The following ZEB1 variants were observed in gnomAD, a reference collection of about 807,000 sequenced individuals.
ZEB1 encodes zinc finger E-box binding homeobox 1.
ZEB1 carries 21 observed loss-of-function variants against 84.9 expected under a neutral mutation model. The ratio of observed to expected loss-of-function variants is 0.25; its 90% CI spans 0.18 to 0.36. The LOEUF (loss-of-function observed/expected upper bound fraction) is 0.36, where lower values mean the gene tolerates loss of function less well. Ranked by LOEUF, ZEB1 falls within the 10% of genes least tolerant of loss-of-function variation. The probability of loss-of-function intolerance (pLI) is 1.00; values close to 1 mark genes in which losing one functional copy is unlikely to be tolerated. For missense variants in ZEB1, 1,104 were observed against 1,330.2 expected (o/e 0.83, Z 2.65); for synonymous variants, 420 against 471.1 (o/e 0.89, Z 1.41).
intron 1 of ZEB1, among the ~76,000 whole-genome samples, chr10:31,414,371 G>A (rs1591017671): frequency 6.6e-6 from 1 of 152,092 alleles, no homozygotes; most frequent in Non-Finnish European, 1.5e-5. Context: ...TGTATACACT[G>A]GATTACAGTT....
intron 1 of ZEB1, among the ~76,000 whole-genome samples, chr10:31,348,384 C>G (rs569472473): frequency 6.6e-6 from 1 of 151,700 alleles, no homozygotes; most frequent in Non-Finnish European, 1.5e-5. Flanking sequence ...GCCAACATAG[C>G]GAAACCCCAT....
At chr10:31,403,562 T>G (rs1176845621) in intron 1 of ZEB1, among the ~76,000 whole-genome samples, 1 of 152,064 alleles carries the variant, frequency 6.6e-6, no homozygotes. Context: ...TTTAAAGAGA[T>G]GAGACTAGTA....
In ZEB1 at chr10:31,527,962, A is replaced by G. The variant is rs1460827867; in HGVS notation, c.*698A>G. Reference sequence around the variant, plus strand: ...GAAGTTTCTTACTCACGTGGTTTAAAATGGAGTTCAAAAGATTGCCATTGA... The same window carrying G: ...GAAGTTTCTTACTCACGTGGTTTAAGATGGAGTTCAAAAGATTGCCATTGA... On this transcript the variant is annotated 3_prime_UTR_variant, in exon 9 of 9. Coordinates refer to ENST00000424869, the MANE Select transcript of ZEB1 (RefSeq NM_001174096.2). 6.6e-6 allele frequency: 1 copy of G among 152,328 alleles called. No homozygotes were observed. The highest frequency in any genetic ancestry group is 2.4e-5 in the African/African-American group (1 of 41,442). 9.4% of individuals were successfully genotyped at this position (152,328 alleles called of 1,614,324 possible).
At chr10:31,319,419 A>C in intron 1 of ZEB1, 127 bp downstream of exon 1, 1 of 882,632 alleles carries the variant, frequency 1.1e-6, no homozygotes, top group Non-Finnish European at 1.8e-6. Context: ...GTGGAGTGGG[A>C]AAGTAGAAAG....
chr10:31,450,530 C>T (rs1042334851), intron 1 of ZEB1, among the ~76,000 whole-genome samples: 3 of 151,968 alleles, frequency 2.0e-5, no homozygotes, highest in Admixed American at 6.5e-5. Context: ...AATTTTGCTT[C>T]TCCTTTCTAA....
intron 1 of ZEB1, among the ~76,000 whole-genome samples, chr10:31,346,899 T>C (rs2040413857): frequency 6.6e-6 from 1 of 152,180 alleles, no homozygotes. Context: ...AGACAAGATT[T>C]ACAGATTTTT....
chr10:31,327,600 C>T (rs2035843601), intron 1 of ZEB1, among the ~76,000 whole-genome samples: 1 of 152,146 alleles, frequency 6.6e-6, no homozygotes, highest in African/African-American at 2.4e-5. Context: ...TAATAAACAT[C>T]CTCCTACGTG....
chr10:31,460,479 T>C (rs1591518242), intron 1 of ZEB1, among the ~76,000 whole-genome samples: 1 of 152,268 alleles, frequency 6.6e-6, no homozygotes, highest in East Asian at 1.9e-4. Flanking sequence ...GCTATTTTGT[T>C]AGGAAAGATG....
At chr10:31,488,245 A>T (rs1164710934) in intron 2 of ZEB1, among the ~76,000 whole-genome samples, 1 of 151,276 alleles carries the variant, frequency 6.6e-6, no homozygotes, top group African/African-American at 2.4e-5. Flanking sequence ...TTCAATTTAA[A>T]AATATTTACA....
intron 1 of ZEB1, among the ~76,000 whole-genome samples, chr10:31,405,320 A>G (rs1289291347): frequency 6.6e-6 from 1 of 152,196 alleles, no homozygotes; most frequent in Non-Finnish European, 1.5e-5. Context: ...CAAACTTCCA[A>G]TAGACTTTAC....
chr10:31,388,717 A>G (rs1421608465), intron 1 of ZEB1, among the ~76,000 whole-genome samples: 2 of 152,104 alleles, frequency 1.3e-5, no homozygotes, highest in East Asian at 1.9e-4. Flanking sequence ...GATAATCTAT[A>G]TATACGTACA....
upstream of ZEB1, chr10:31,319,180 AG>A: frequency 1.4e-6 from 1 of 701,906 alleles, no homozygotes; most frequent in Non-Finnish European, 1.9e-6. Flanking sequence ...GTGGGGGGGA[AG>A]GGGGAGGGAG....
chr10:31,352,192 A>C (rs571306524), intron 1 of ZEB1, among the ~76,000 whole-genome samples: 2 of 152,256 alleles, frequency 1.3e-5, no homozygotes, highest in African/African-American at 4.8e-5. Context: ...TGTTTCACTC[A>C]GTATTAAATT....
intron 2 of ZEB1, among the ~76,000 whole-genome samples, chr10:31,472,248 C>T (rs534165154): frequency 6.6e-6 from 1 of 152,116 alleles, no homozygotes; most frequent in African/African-American, 2.4e-5. Context: ...ACAAAAAACC[C>T]TTCAAAAAAT....
intron 2 of ZEB1, among the ~76,000 whole-genome samples, chr10:31,477,440 A>T (rs908859543): frequency 1.3e-5 from 2 of 152,062 alleles, no homozygotes; most frequent in African/African-American, 4.8e-5. Flanking sequence ...ACAATGCCCA[A>T]AGGAATCTGC....
chr10:31,401,174 G>T (rs76079520), intron 1 of ZEB1, among the ~76,000 whole-genome samples: 1 of 152,144 alleles, frequency 6.6e-6, no homozygotes, highest in Non-Finnish European at 1.5e-5. Context: ...GGCTTATGAG[G>T]AAAATGGGGT....
chr10:31,432,848 AAG>A (rs1165315462), intron 1 of ZEB1, among the ~76,000 whole-genome samples: 4 of 152,222 alleles, frequency 2.6e-5, no homozygotes, highest in African/African-American at 7.2e-5. Flanking sequence ...ATTTTTAAAA[AAG>A]AGTGGCATTG....
At chr10:31,446,538 T>A (rs2059803358) in intron 1 of ZEB1, among the ~76,000 whole-genome samples, 1 of 150,798 alleles carries the variant, frequency 6.6e-6, no homozygotes, top group Admixed American at 6.6e-5. Context: ...CTGCTTTCTC[T>A]TGTGGGCATT....
At chr10:31,440,508 G>C (rs1182228432) in intron 1 of ZEB1, among the ~76,000 whole-genome samples, 1 of 152,130 alleles carries the variant, frequency 6.6e-6, no homozygotes, top group Non-Finnish European at 1.5e-5. Flanking sequence ...AGACAGGGGT[G>C]CCCTTTCTCA....
Sources: allele counts gnomAD v4.1 joint callset (sites outside exome capture counted in the v4.1 genomes callset), GRCh38; gene constraint gnomAD v4.1.1; transcripts MANE v1.5; gene names NCBI Gene and HGNC (gene_info 2026-07-23, HGNC 2026-07-21).